Variants in DCAF5 observed in about 807,000 individuals in gnomAD.
DCAF5 encodes the protein DDB1- and CUL4-associated factor 5.
DCAF5 carries 9 observed loss-of-function variants against 80.7 expected under a neutral mutation model. The ratio of observed to expected loss-of-function variants is 0.11; its 90% CI spans 0.07 to 0.19. DCAF5 has a LOEUF of 0.19. Ranked by LOEUF, DCAF5 falls within the 10% of genes least tolerant of loss-of-function variation. DCAF5 has a pLI of 1.00. For missense variants in DCAF5, 842 were observed against 1,205.7 expected (o/e 0.70, Z 4.47); for synonymous variants, 433 against 461.9 (o/e 0.94, Z 0.80).
At chr14:69,071,617 G>GGA (rs1023112950) in intron 7 of DCAF5, among the ~76,000 whole-genome samples, 1 of 151,900 alleles carries the variant, frequency 6.6e-6, no homozygotes, top group Non-Finnish European at 1.5e-5. Context: ...GGGGGAAGAG[G>GGA]GAGAGAGAGA....
intron 7 of DCAF5, among the ~76,000 whole-genome samples, chr14:69,070,208 C>A (rs1385924883): frequency 6.6e-6 from 1 of 152,150 alleles, no homozygotes; most frequent in Non-Finnish European, 1.5e-5. Context: ...AACCCTAAAG[C>A]CCTTTCTAAC....
intron 2 of DCAF5, among the ~76,000 whole-genome samples, chr14:69,121,617 T>C (rs2040719909): frequency 6.6e-6 from 1 of 152,222 alleles, no homozygotes; most frequent in African/African-American, 2.4e-5. Context: ...TTAGATCTAT[T>C]GTATTTAAGT....
chr14:69,087,219 C>T (rs969044143), intron 6 of DCAF5, among the ~76,000 whole-genome samples: 4 of 152,136 alleles, frequency 2.6e-5, no homozygotes, highest in African/African-American at 9.7e-5. Flanking sequence ...GAAAAGCCAG[C>T]AGGTAGAATA....
intron 6 of DCAF5, chr14:69,084,920 T>C: frequency 7.0e-7 from 1 of 1,424,248 alleles, no homozygotes; most frequent in East Asian, 2.3e-5. Flanking sequence ...ATCGTGTGGG[T>C]AGAACAGCCA....
chr14:69,147,819 A>G (rs1368244516), intron 1 of DCAF5, among the ~76,000 whole-genome samples: 2 of 152,224 alleles, frequency 1.3e-5, no homozygotes, highest in African/African-American at 4.8e-5. Flanking sequence ...TCATAAGCAC[A>G]CAAAAAAGAT....
chr14:69,149,041 A>G (rs1366126763), intron 1 of DCAF5, among the ~76,000 whole-genome samples: 1 of 152,218 alleles, frequency 6.6e-6, no homozygotes, highest in Non-Finnish European at 1.5e-5. Flanking sequence ...TAATGACACC[A>G]TGTGTTATGA....
intron 6 of DCAF5, chr14:69,083,714 C>T (rs2039205993): frequency 1.3e-5 from 8 of 636,530 alleles, no homozygotes; most frequent in Middle Eastern, 4.6e-4. Context: ...AATTCAGAAT[C>T]AAAAAAGAAG....
chr14:69,150,524 T>C (rs991534452), intron 1 of DCAF5, among the ~76,000 whole-genome samples: 1 of 152,174 alleles, frequency 6.6e-6, no homozygotes. Context: ...CATTTCGTGC[T>C]TTTAAAAATG....
chr14:69,121,674 A>C (rs938764596), intron 2 of DCAF5, among the ~76,000 whole-genome samples: 7 of 152,182 alleles, frequency 4.6e-5, no homozygotes, highest in African/African-American at 1.7e-4. Context: ...TCTGCAGCTC[A>C]GAAAAGAGGT....
At chr14:69,068,698 C>CAAAAAAAA (rs201955188) in intron 7 of DCAF5, among the ~76,000 whole-genome samples, 1 of 68,012 alleles carries the variant, frequency 1.5e-5, no homozygotes, top group Non-Finnish European at 3.5e-5. Context: ...AACTCCATCT[C>CAAAAAAAA]AAAAAAAAAA....
At chr14:69,060,544 T>G (rs2038169139) in intron 8 of DCAF5, among the ~76,000 whole-genome samples, 1 of 152,088 alleles carries the variant, frequency 6.6e-6, no homozygotes, top group Admixed American at 6.5e-5. Context: ...TTTCTTTTTT[T>G]TTTTGGAGAC....
intron 2 of DCAF5, among the ~76,000 whole-genome samples, chr14:69,120,621 A>C (rs1217902229): frequency 6.6e-6 from 1 of 152,214 alleles, no homozygotes; most frequent in Non-Finnish European, 1.5e-5. Flanking sequence ...TGCACAACCA[A>C]CAGTCACTTA....
chr14:69,139,889 A>G (rs1311680937), intron 1 of DCAF5, among the ~76,000 whole-genome samples: 2 of 150,354 alleles, frequency 1.3e-5, no homozygotes, highest in Non-Finnish European at 3.0e-5. Flanking sequence ...AGGGAGGGAA[A>G]GGGAAAGAAA....
chr14:69,067,925 G>A (rs1158900864), intron 7 of DCAF5, among the ~76,000 whole-genome samples: 1 of 152,082 alleles, frequency 6.6e-6, no homozygotes, highest in African/African-American at 2.4e-5. Flanking sequence ...CTGAGCCACT[G>A]CACCTGGCCC....
In DCAF5 at chr14:69,054,352, C is replaced by G. The variant is rs775418198; in HGVS notation, c.2334G>C (p.Lys778Asn). Residue 778 changes from lysine to asparagine, a missense_variant, in exon 9 of 9, where the codon AAG (lysine) becomes AAC (asparagine). Lys to Asn is a moderately conservative substitution (Grantham distance 94). Around this residue, in one of 5 missense-constraint regions of DCAF5, gnomAD observed 607 missense variants for 656.6 expected, o/e 0.92. Coordinates refer to ENST00000341516, the MANE Select transcript of DCAF5 (RefSeq NM_003861.3). ...TGCTCAGGGCCTTTCCATTGAGCTT[C>G]TTGGTTTCAAAAGGGTGCTCTACAG... The part of the protein sequence containing the change: ...SGSVEHPFET[K>N]KLNGKALSSR... The G allele has an allele frequency of 4.3e-6, 7 of 1,614,216 alleles. No individual in the cohort carries two copies. The South Asian group carries it at 6.6e-5, about 15-fold the overall frequency.
At chr14:69,089,325 C>A (rs1323526702) in intron 6 of DCAF5, 2 of 152,228 alleles carry the variant, frequency 1.3e-5, no homozygotes, top group East Asian at 3.8e-4. Flanking sequence ...ATATAAATCT[C>A]TGTATTTTAT....
rs531918979 is a variant in DCAF5 at position 69,099,863 on chromosome 14, A to G, written c.666-7976T>C. On this transcript the variant is annotated intron_variant, in intron 5 of 8. Transcript: ENST00000341516. ...TCAGAAGGCTGAGGTGGGAGGATCA[A>G]CTGAGCCACTGCACTGCAGCCTGGG... 7.2e-5 allele frequency among the ~76,000 whole-genome samples: 11 copies of G among 152,278 alleles called. No individual in the cohort carries two copies. The East Asian group carries it at 1.9e-3, about 27-fold the overall frequency.
chr14:69,092,548 G>C (rs2039568996), intron 5 of DCAF5, among the ~76,000 whole-genome samples: 1 of 152,188 alleles, frequency 6.6e-6, no homozygotes, highest in Non-Finnish European at 1.5e-5. Context: ...AGCCTAGGGG[G>C]TTGAAGCTGC....
intron 6 of DCAF5, among the ~76,000 whole-genome samples, chr14:69,079,837 T>C (rs554934122): frequency 2.4e-4 from 36 of 151,936 alleles, no homozygotes; most frequent in African/African-American, 8.2e-4. Flanking sequence ...AAACAAAAAA[T>C]AACATATATA....
Sources: allele counts gnomAD v4.1 joint callset (sites outside exome capture counted in the v4.1 genomes callset), GRCh38; gene constraint gnomAD v4.1.1; regional missense constraint gnomAD v4.1.1; transcripts MANE v1.5; gene names NCBI Gene and HGNC (gene_info 2026-07-23, HGNC 2026-07-21).